Variants in NEBL observed in about 807,000 individuals in gnomAD.
The protein encoded by NEBL is nebulette.
Under a neutral mutation model 140.2 loss-of-function variants are expected in NEBL, and 122 were observed. That is an observed-to-expected ratio of 0.87 (90% CI 0.75 to 1.01). The LOEUF (loss-of-function observed/expected upper bound fraction) is 1.01. Ranked by LOEUF, NEBL falls within the 50% of genes least tolerant of loss-of-function variation. NEBL has a pLI of 0.00. For synonymous variants in NEBL, 436 were observed against 398.9 expected (o/e 1.09, Z -1.11); for missense variants, 1,365 against 1,231.3 (o/e 1.11, Z -1.62).
At chr10:21,076,878 G>A (rs1836119709) in intron 2 of NEBL, among the ~76,000 whole-genome samples, 1 of 152,072 alleles carries the variant, frequency 6.6e-6, no homozygotes, top group Admixed American at 6.5e-5. Context: ...TAGACAAATG[G>A]CCAGAGACAG....
intron 2 of NEBL, among the ~76,000 whole-genome samples, chr10:21,087,687 T>TTCCAAATTCCA (rs1836703689): frequency 6.6e-6 from 1 of 152,220 alleles, no homozygotes; most frequent in Admixed American, 6.5e-5. Flanking sequence ...TTGGAATGTG[T>TTCCAAATTCCA]GACAATTAGT....
At chr10:20,972,540 C>G (rs929332908) in intron 3 of NEBL, among the ~76,000 whole-genome samples, 1 of 152,074 alleles carries the variant, frequency 6.6e-6, no homozygotes, top group African/African-American at 2.4e-5. Flanking sequence ...GTCAGGAGAT[C>G]AAGACCATCC....
chr10:21,250,695 G>T (rs60959763), intron 2 of NEBL, among the ~76,000 whole-genome samples: 31,248 of 151,810 alleles, frequency 0.21, 3,803 homozygotes, highest in African/African-American at 0.33. Flanking sequence ...TGGATCACCT[G>T]AGTTCAGGGG....
intron 2 of NEBL, among the ~76,000 whole-genome samples, chr10:21,158,591 G>A (rs1017486254): frequency 2.6e-5 from 4 of 152,080 alleles, no homozygotes; most frequent in Admixed American, 6.5e-5. Context: ...CACCACATCC[G>A]CTCTCACTGC....
intron 26 of NEBL, among the ~76,000 whole-genome samples, chr10:20,799,157 T>A (rs560106491): frequency 3.3e-5 from 5 of 152,144 alleles, no homozygotes; most frequent in Non-Finnish European, 7.4e-5. Context: ...TCGCAGAAAT[T>A]TATTTATTTT....
chr10:21,065,794 G>A (rs777876300), intron 2 of NEBL, among the ~76,000 whole-genome samples: 1 of 152,120 alleles, frequency 6.6e-6, no homozygotes, highest in Non-Finnish European at 1.5e-5. Context: ...CACCCTCCCT[G>A]CAACCCTATC....
chr10:20,992,765 C>CTTTTTTTTTTTTT (rs35627113), intron 3 of NEBL, among the ~76,000 whole-genome samples: 1 of 52,452 alleles, frequency 1.9e-5, no homozygotes, highest in African/African-American at 8.5e-5. Flanking sequence ...ACTACAAAGT[C>CTTTTTTTTTTTTT]TTTTTTTTTT....
intron 4 of NEBL, among the ~76,000 whole-genome samples, chr10:20,930,997 T>C (rs1232078982): frequency 1.3e-5 from 2 of 152,168 alleles, no homozygotes; most frequent in African/African-American, 4.8e-5. Context: ...CTCCAGTCAA[T>C]CGTGGAAAAT....
At chr10:21,287,076 T>C (rs117881939) in intron 1 of NEBL, among the ~76,000 whole-genome samples, 2,986 of 152,040 alleles carry the variant, frequency 0.02, 33 homozygotes, top group Non-Finnish European at 0.025. Flanking sequence ...TGGTTACGGG[T>C]TCCAGAAGCT....
intron 4 of NEBL, among the ~76,000 whole-genome samples, chr10:20,920,182 T>C (rs1431507174): frequency 6.6e-6 from 1 of 152,214 alleles, no homozygotes; most frequent in Admixed American, 6.5e-5. Flanking sequence ...ACAGGCCCTG[T>C]CATATATTAC....
chr10:20,851,565 G>A (rs1238761192), intron 10 of NEBL, among the ~76,000 whole-genome samples: 1 of 151,570 alleles, frequency 6.6e-6, no homozygotes, highest in Non-Finnish European at 1.5e-5. Flanking sequence ...CACAAGATCA[G>A]GAGTTTGAGA....
chr10:20,857,878 G>A (rs936010859), intron 9 of NEBL, among the ~76,000 whole-genome samples: 9 of 152,200 alleles, frequency 5.9e-5, no homozygotes, highest in East Asian at 3.9e-4. Context: ...CTAAATACAA[G>A]ACACTCTGGT....
Position 20,831,240 on chromosome 10 carries a change from G to C in NEBL, c.1627C>G (p.Pro543Ala), listed in dbSNP as rs759652529. 6 of 1,613,428 alleles carry C rather than the reference G, an allele frequency of 3.7e-6. No homozygotes were observed. In the East Asian group the frequency reaches 1.3e-4, roughly 36 times the overall value. Reference protein sequence around the residue: ...GKGMQVSMDIPDILRAKRTSE... With the variant: ...GKGMQVSMDIADILRAKRTSE... ...GTCCTCTTGGCTCGAAGGATATCTG[G>C]GATATCCATGCTCACTTGCATTCCT... Residue 543 changes from proline to alanine, a missense_variant, in exon 16 of 28, where the codon CCA (proline) becomes GCA (alanine). Transcript: ENST00000377122.
At chr10:20,985,996 T>C (rs1434424567) in intron 3 of NEBL, among the ~76,000 whole-genome samples, 1 of 152,184 alleles carries the variant, frequency 6.6e-6, no homozygotes, top group Non-Finnish European at 1.5e-5. Flanking sequence ...TTTGATCTAC[T>C]CTGGACCTGG....
intron 4 of NEBL, among the ~76,000 whole-genome samples, chr10:20,886,718 G>A (rs1313392237): frequency 6.6e-6 from 1 of 152,172 alleles, no homozygotes; most frequent in Admixed American, 6.6e-5. Flanking sequence ...TAACCTCTCA[G>A]TGCTTCGGTC....
intron 2 of NEBL, among the ~76,000 whole-genome samples, chr10:21,137,763 C>G (rs1402816941): frequency 6.6e-6 from 1 of 151,850 alleles, no homozygotes; most frequent in Non-Finnish European, 1.5e-5. Flanking sequence ...TGAGACCCCT[C>G]TGCCATCTCT....
intron 5 of NEBL, among the ~76,000 whole-genome samples, chr10:20,874,694 C>G (rs897763608): frequency 6.6e-6 from 1 of 152,128 alleles, no homozygotes; most frequent in African/African-American, 2.4e-5. Flanking sequence ...GATAGATTTC[C>G]GTCACGAAAT....
chr10:20,857,312 G>C (rs1843176043), intron 9 of NEBL, among the ~76,000 whole-genome samples: 1 of 152,092 alleles, frequency 6.6e-6, no homozygotes, highest in Non-Finnish European at 1.5e-5. Context: ...TTATTTAACT[G>C]TCTGGAAACT....
intron 2 of NEBL, among the ~76,000 whole-genome samples, chr10:21,249,971 C>T (rs951798821): frequency 2.6e-5 from 4 of 151,766 alleles, no homozygotes; most frequent in Non-Finnish European, 4.4e-5. Flanking sequence ...GGCTGAGGTA[C>T]AAGTATCACT....
Sources: gnomAD v4.1 joint callset for allele counts (sites outside exome capture counted in the v4.1 genomes callset) on GRCh38, gnomAD v4.1.1 for gene constraint, MANE v1.5 for transcripts, NCBI Gene and HGNC (gene_info 2026-07-23, HGNC 2026-07-21) for gene names.